Variants in PAK2 observed in about 807,000 individuals in gnomAD.
The protein encoded by PAK2 is p21 (RAC1) activated kinase 2, also known as serine/threonine-protein kinase PAK 2.
A neutral mutation model predicts 65.9 loss-of-function variants in PAK2; 21 were observed. The ratio of observed to expected loss-of-function variants is 0.32; its 90% CI spans 0.23 to 0.46. The LOEUF (loss-of-function observed/expected upper bound fraction) is 0.46. Among genes scored for constraint, PAK2 ranks in the 20% least tolerant of loss-of-function variants. The pLI is 1.00. For synonymous variants in PAK2, 204 were observed against 219.7 expected (o/e 0.93, Z 0.63); for missense variants, 324 against 642.6 (o/e 0.50, Z 5.36).
In PAK2 at chr3:196,827,160, A is replaced by G. The variant is rs770355738; in HGVS notation, c.1351-36A>G. On this transcript the variant is annotated intron_variant, in intron 13 of 14. Transcript: ENST00000327134. ...GAGTGCTCTGTGACCGTGTTGAGCTATCTTAAGTGGATCAAAGATGTTCTT... is the reference window on the plus strand; with the variant it reads ...GAGTGCTCTGTGACCGTGTTGAGCTGTCTTAAGTGGATCAAAGATGTTCTT... 3.3e-6 allele frequency: 5 copies of G among 1,496,126 alleles called. No individual in the cohort carries two copies. In the African/African-American group the frequency reaches 4.2e-5, roughly 13 times the overall value. The allele number at this position is 1,496,126 out of a possible 1,614,324, so 92.7% of individuals were successfully genotyped here.
At position 196,830,850 on chromosome 3, in the gene PAK2, TGAAA is replaced by T. The variant is rs1272357452; in HGVS notation, c.*2450_*2453del. On this transcript the variant is annotated 3_prime_UTR_variant, in exon 15 of 15. Coordinates refer to ENST00000327134, the MANE Select transcript of PAK2 (RefSeq NM_002577.4). ...TAATTTTAAAACATTCAGAACTTGT[TGAAA>T]GAAAAATTATATCTGAATCAAGATT... The T allele has an allele frequency of 1.3e-5, 2 of 152,218 alleles. No individual in the cohort carries two copies. Among genetic ancestry groups the T allele is most frequent in the African/African-American group, 2.4e-5 (1 of 41,456 alleles). 9.4% of individuals were successfully genotyped at this position (152,218 alleles called of 1,614,324 possible).
chr3:196,795,261 G>A (rs1715212124), intron 2 of PAK2, among the ~76,000 whole-genome samples: 1 of 149,550 alleles, frequency 6.7e-6, no homozygotes, highest in Admixed American at 6.7e-5. Context: ...TTCAAGACCA[G>A]CCTGGGCAAC....
rs936456020 is a variant in PAK2 at position 196,832,300 on chromosome 3, G to A, written c.*3895G>A. On this transcript the variant is annotated 3_prime_UTR_variant, in exon 15 of 15. Coordinates refer to ENST00000327134, the MANE Select transcript of PAK2 (RefSeq NM_002577.4). ...GGAACGCATTGGCTTTTTTTTTCTT[G>A]TTTTGATAGAAATGGAATTAAGCAA... is the stretch of plus-strand genomic sequence containing the variant. 5.9e-5 allele frequency: 9 copies of A among 151,570 alleles called. No homozygotes were observed. The highest frequency in any genetic ancestry group is 3.3e-4 in the Admixed American group (5 of 15,224). 9.4% of individuals were successfully genotyped at this position (151,570 alleles called of 1,614,324 possible).
rs73891512 is a variant in PAK2 at position 196,803,565 on chromosome 3, A to G, written c.436+401A>G. The stretch of plus-strand genomic sequence containing the variant: ...TGTTAGCGGGACAAGAGGAGGTTGA[A>G]CTAAAAAATGTTTAGGTCCACTCAA... On this transcript the variant is annotated intron_variant, in intron 4 of 14. Coordinates refer to ENST00000327134, the MANE Select transcript of PAK2 (RefSeq NM_002577.4). Among the ~76,000 whole-genome samples, 475 of 152,354 alleles carry G rather than the reference A, an allele frequency of 3.1e-3. 2 individuals carry two copies. The highest frequency in any genetic ancestry group is 0.011 in the African/African-American group (453 of 41,586).
At chr3:196,808,606 T>A (rs1234832698) in intron 7 of PAK2, among the ~76,000 whole-genome samples, 2 of 139,584 alleles carry the variant, frequency 1.4e-5, no homozygotes, top group Non-Finnish European at 3.0e-5. Context: ...GGCTCATGCC[T>A]ATAATCCCAG....
At chr3:196,825,198 T>C (rs1711802965) in intron 13 of PAK2, among the ~76,000 whole-genome samples, 1 of 150,082 alleles carries the variant, frequency 6.7e-6, no homozygotes, top group Admixed American at 6.7e-5. Context: ...ATACAAAAAT[T>C]AGTCAGGCGT....
chr3:196,785,635 A>G (rs955908612), intron 2 of PAK2, among the ~76,000 whole-genome samples: 5 of 152,184 alleles, frequency 3.3e-5, no homozygotes, highest in African/African-American at 1.2e-4. Context: ...TCTGTTCACT[A>G]TCTATATTAG....
chr3:196,752,508 A>T (rs1322824890), intron 1 of PAK2, among the ~76,000 whole-genome samples: 1 of 151,978 alleles, frequency 6.6e-6, no homozygotes, highest in African/African-American at 2.4e-5. Flanking sequence ...CTCCGTGGTG[A>T]GCTTGGGACA....
At chr3:196,767,118 C>T (rs553925315) in intron 1 of PAK2, among the ~76,000 whole-genome samples, 2 of 152,184 alleles carry the variant, frequency 1.3e-5, no homozygotes, top group Admixed American at 1.3e-4. Context: ...GTTTTTATAG[C>T]TTCAAAATTA....
chr3:196,748,025 G>A (rs1713448828), intron 1 of PAK2, among the ~76,000 whole-genome samples: 1 of 152,056 alleles, frequency 6.6e-6, no homozygotes, highest in Non-Finnish European at 1.5e-5. Context: ...TCCATCTGAA[G>A]TTTCTTTTTC....
In PAK2 at chr3:196,745,210, G is replaced by C. The variant is rs1432763497; in HGVS notation, c.-22+5053G>C. ...GCTCACTGCAACTTCCGCCTCCCGG[G>C]TTCAAGTGATTCCCCTGCCTCAGCC... On this transcript the variant is annotated intron_variant, in intron 1 of 14. Coordinates refer to ENST00000327134, the MANE Select transcript of PAK2 (RefSeq NM_002577.4). Among the ~76,000 whole-genome samples the C allele has an allele frequency of 3.3e-5, 5 of 150,612 alleles. No homozygotes were observed. The East Asian group carries it at 9.7e-4, about 29-fold the overall frequency.
chr3:196,810,722 T>G (rs1715747844), intron 8 of PAK2, 69 bp downstream of exon 8: 4 of 827,316 alleles, frequency 4.8e-6, no homozygotes, highest in Non-Finnish European at 8.5e-6. Flanking sequence ...AGCATGATGT[T>G]TATTTTGCCT....
chr3:196,768,317 C>T (rs1180721543), intron 1 of PAK2, among the ~76,000 whole-genome samples: 2 of 151,958 alleles, frequency 1.3e-5, no homozygotes, highest in Middle Eastern at 3.2e-3. Context: ...TTGCCCAAGA[C>T]ACTATTTTTG....
At chr3:196,740,663 T>G (rs975486919) in intron 1 of PAK2, among the ~76,000 whole-genome samples, 1 of 152,148 alleles carries the variant, frequency 6.6e-6, no homozygotes, top group Non-Finnish European at 1.5e-5. Flanking sequence ...GCCTGTAACC[T>G]CTTTTCCACA....
chr3:196,774,417 C>T (rs1375864863), intron 1 of PAK2, among the ~76,000 whole-genome samples: 1 of 151,934 alleles, frequency 6.6e-6, no homozygotes, highest in African/African-American at 2.4e-5. Context: ...AATTTGTTTT[C>T]CTGTGTAACT....
At chr3:196,752,757 C>T (rs751496416) in intron 1 of PAK2, among the ~76,000 whole-genome samples, 29 of 152,176 alleles carry the variant, frequency 1.9e-4, no homozygotes, top group African/African-American at 1.4e-4. Context: ...TGTACCACCA[C>T]GCCTGGCTAA....
rs13316430 is a variant in PAK2 at position 196,795,936 on chromosome 3, G to A, written c.188-5991G>A. Reference sequence around the variant, plus strand: ...TTTTTCCACAGACCCAGTGGTGCGGGGGAATGGTTTCGAGATGAAACTGTT... The same window carrying A: ...TTTTTCCACAGACCCAGTGGTGCGGAGGAATGGTTTCGAGATGAAACTGTT... On this transcript the variant is annotated intron_variant, in intron 2 of 14. Transcript: ENST00000327134. Among the ~76,000 whole-genome samples, 662 of 152,344 alleles carry A rather than the reference G, an allele frequency of 4.3e-3. 3 individuals are homozygous for A. Among genetic ancestry groups the A allele is most frequent in the African/African-American group, 0.015 (621 of 41,584 alleles).
chr3:196,747,778 A>G (rs1320259065), intron 1 of PAK2, among the ~76,000 whole-genome samples: 2 of 152,202 alleles, frequency 1.3e-5, no homozygotes, highest in Non-Finnish European at 2.9e-5. Flanking sequence ...AGTAAGAACT[A>G]TAGTCGTTAT....
At chr3:196,746,842 T>G (rs1423773874) in intron 1 of PAK2, among the ~76,000 whole-genome samples, 3 of 137,168 alleles carry the variant, frequency 2.2e-5, no homozygotes, top group African/African-American at 8.0e-5. Context: ...GATAGGCCTT[T>G]ATGATAACTT....
Sources: gnomAD v4.1 joint callset for allele counts (sites outside exome capture counted in the v4.1 genomes callset) on GRCh38, gnomAD v4.1.1 for gene constraint, MANE v1.5 for transcripts, NCBI Gene and HGNC (gene_info 2026-07-23, HGNC 2026-07-21) for gene names.